DIMT1: variants seen among roughly 807,000 people sequenced by gnomAD.
DIMT1 encodes DIM1 rRNA methyltransferase and ribosome maturation factor.
In DIMT1, 36 loss-of-function variants were observed where a neutral mutation model predicts 43.2. The observed-to-expected ratio is 0.83, with a 90% CI of 0.64 to 1.10. DIMT1 has a LOEUF of 1.10. DIMT1 is among the 50% of genes least tolerant of loss of function. The pLI is 0.00. For synonymous variants in DIMT1, 126 were observed against 130.3 expected (o/e 0.97, Z 0.22); for missense variants, 341 against 385.3 (o/e 0.88, Z 0.96).
At chr5:62,394,660 G>T (rs1282916142) in intron 6 of DIMT1, 53 bp from the exon 7 acceptor site, 5 of 1,604,900 alleles carry the variant, frequency 3.1e-6, no homozygotes, top group Non-Finnish European at 4.3e-6. Context: ...AACTATAAAT[G>T]AATTTTAACT....
chr5:62,389,485 C>CAAAAAAAAAAAAAAAAAAAAAAAAAA (rs775533413), intron 11 of DIMT1, among the ~76,000 whole-genome samples: 2 of 75,918 alleles, frequency 2.6e-5, no homozygotes, highest in African/African-American at 1.1e-4. Context: ...GACTCTGTCT[C>CAAAAAAAAAAAAAAAAAAAAAAAAAA]AAAAAAAAAA....
chr5:62,394,156 G>T, intron 7 of DIMT1, 109 bp from the exon 8 acceptor site: 1 of 1,034,962 alleles, frequency 9.7e-7, no homozygotes, highest in Non-Finnish European at 1.4e-6. Context: ...GATGAATTAA[G>T]CTAGATTATT....
chr5:62,399,069 C>T (rs995568237), intron 3 of DIMT1, among the ~76,000 whole-genome samples, 188 bp from the exon 4 acceptor site: 14 of 152,200 alleles, frequency 9.2e-5, no homozygotes, highest in African/African-American at 2.9e-4. Context: ...CAGTGGCTCA[C>T]GCCTGTAATC....
chr5:62,401,995 C>G (rs1009774462), intron 3 of DIMT1, 41 bp downstream of exon 3: 1 of 1,583,786 alleles, frequency 6.3e-7, no homozygotes. Context: ...AGCTTGCTAA[C>G]ATAGTCATTT....
Position 62,403,905 on chromosome 5 carries a change from G to A in DIMT1, c.-133C>T. Reference sequence around the variant, plus strand: ...TCTGGCCCAAGCGCCGGAGGGGCAAGGGTCCGCCCCCTCCCGTACGCTCTG... The same window carrying A: ...TCTGGCCCAAGCGCCGGAGGGGCAAAGGTCCGCCCCCTCCCGTACGCTCTG... On this transcript the variant is annotated 5_prime_UTR_variant, in exon 1 of 12. Coordinates refer to ENST00000199320, the MANE Select transcript of DIMT1 (RefSeq NM_014473.4). 1.1e-6 allele frequency: 1 copy of A among 908,330 alleles called. No individual in the cohort carries two copies. Among genetic ancestry groups the A allele is most frequent in the Non-Finnish European group, 1.6e-6 (1 of 608,934 alleles). The allele number at this position is 908,330 out of a possible 1,614,324, so 56.3% of individuals were successfully genotyped here.
In DIMT1 at chr5:62,400,101, TCTTA is replaced by T. The variant is rs1462014691; in HGVS notation, c.241-1224_241-1221del. ...AGAGAAGAGCGTACAATGCAATTGC[TCTTA>T]CTGTTAGTATGTCACATCTACTGAG... is the stretch of plus-strand genomic sequence containing the variant. On this transcript the variant is annotated intron_variant, in intron 3 of 11. Coordinates refer to ENST00000199320, the MANE Select transcript of DIMT1 (RefSeq NM_014473.4). 5.9e-5 allele frequency among the ~76,000 whole-genome samples: 9 copies of T among 152,272 alleles called. 1 individual carries two copies. Among genetic ancestry groups the T allele is most frequent in the African/African-American group, 1.9e-4 (8 of 41,550 alleles).
At chr5:62,403,471 C>T in intron 1 of DIMT1, 125 bp from the exon 2 acceptor site, 1 of 1,021,974 alleles carries the variant, frequency 9.8e-7, no homozygotes, top group East Asian at 2.5e-5. Context: ...AAACGTCACG[C>T]CAGGACTGAC....
At chr5:62,394,696 T>C (rs1742418446) in intron 6 of DIMT1, 89 bp from the exon 7 acceptor site, 5 of 1,566,270 alleles carry the variant, frequency 3.2e-6, no homozygotes, top group South Asian at 2.3e-5. Flanking sequence ...GGGAGAGAAA[T>C]AGCAAAGCAT....
At position 62,403,854 on chromosome 5, in the gene DIMT1, T is replaced by C; in HGVS notation, c.-82A>G. 2.8e-6 allele frequency: 4 copies of C among 1,433,678 alleles called. No homozygotes were observed. Among genetic ancestry groups the C allele is most frequent in the South Asian group, 1.2e-5 (1 of 80,692 alleles). 88.8% of individuals were successfully genotyped at this position (1,433,678 alleles called of 1,614,324 possible). A position where few individuals can be genotyped will look rare whatever the true frequency, so the allele number is the denominator to read the frequency against. On this transcript the variant is annotated 5_prime_UTR_variant, in exon 1 of 12. Transcript: ENST00000199320. ...GCGTGAGAAAGCCACCACGTGGGGATCGCCGCCACGCGCCGCCCGCACCAC... is the reference window on the plus strand; with the variant it reads ...GCGTGAGAAAGCCACCACGTGGGGACCGCCGCCACGCGCCGCCCGCACCAC...
intron 1 of DIMT1, 70 bp downstream of exon 1, chr5:62,403,624 C>T (rs26649): frequency 0.33 from 499,846 of 1,519,584 alleles, 84,247 homozygotes; most frequent in East Asian, 0.47. Flanking sequence ...GGTCTTGGTC[C>T]GCACCCCAGG....
chr5:62,399,495 T>C (rs1207283618), intron 3 of DIMT1, among the ~76,000 whole-genome samples: 1 of 81,896 alleles, frequency 1.2e-5, no homozygotes, highest in Non-Finnish European at 2.5e-5. Flanking sequence ...ACACAAAATA[T>C]TAGCTGGGCC....
intron 3 of DIMT1, among the ~76,000 whole-genome samples, chr5:62,401,581 T>C (rs1226954618): frequency 1.1e-5 from 1 of 87,570 alleles, no homozygotes; most frequent in Admixed American, 1.3e-4. Context: ...CATATTTTCC[T>C]TTTTTTTTTT....
intron 3 of DIMT1, among the ~76,000 whole-genome samples, chr5:62,399,715 G>A (rs906263733): frequency 2.7e-5 from 4 of 150,784 alleles, no homozygotes; most frequent in Admixed American, 6.6e-5. Context: ...GACCAGCCTG[G>A]CCAACATGGT....
chr5:62,397,652 CTT>C (rs35041675), intron 6 of DIMT1, among the ~76,000 whole-genome samples: 14 of 147,476 alleles, frequency 9.5e-5, no homozygotes, highest in Non-Finnish European at 1.5e-4. Flanking sequence ...TCCCCATAAA[CTT>C]TTTTTTTTTT....
At chr5:62,401,000 C>T (rs1295559604) in intron 3 of DIMT1, among the ~76,000 whole-genome samples, 1 of 152,112 alleles carries the variant, frequency 6.6e-6, no homozygotes, top group Non-Finnish European at 1.5e-5. Context: ...ATCCACCCGC[C>T]TTAGCCTCCC....
chr5:62,387,693 GAT>G lies in DIMT1; in HGVS notation c.*1315_*1316del, dbSNP rs1742102173. 6.6e-6 allele frequency: 1 copy of G among 152,028 alleles called. No homozygotes were observed. The highest frequency in any genetic ancestry group is 1.5e-5 in the Non-Finnish European group (1 of 68,000). The allele number at this position is 152,028 out of a possible 1,614,324, so 9.4% of individuals were successfully genotyped here. On this transcript the variant is annotated 3_prime_UTR_variant, in exon 12 of 12. Coordinates refer to ENST00000199320, the MANE Select transcript of DIMT1 (RefSeq NM_014473.4). ...TAAATCTTAAAATTTTTACTATAAG[GAT>G]AGAGATGATACAAGTGAACTCTGCA...
At position 62,396,249 on chromosome 5, in the gene DIMT1, G is replaced by A. The variant is rs1048808967; in HGVS notation, c.447-1642C>T. 2.6e-5 allele frequency among the ~76,000 whole-genome samples: 4 copies of A among 151,140 alleles called. No individual in the cohort carries two copies. In the East Asian group the frequency reaches 5.9e-4, roughly 22 times the overall value. ...GGGCTGGGCACCATGGTTCATGCCTGTAATAATCCCAGCATTTGGGGAGGC... is the reference window on the plus strand; with the variant it reads ...GGGCTGGGCACCATGGTTCATGCCTATAATAATCCCAGCATTTGGGGAGGC... On this transcript the variant is annotated intron_variant, in intron 6 of 11. Coordinates refer to ENST00000199320, the MANE Select transcript of DIMT1 (RefSeq NM_014473.4).
At chr5:62,392,826 TCTTTATG>T in intron 9 of DIMT1, 93 bp downstream of exon 9, 1 of 713,164 alleles carries the variant, frequency 1.4e-6, no homozygotes, top group East Asian at 2.8e-5. Flanking sequence ...GGACCCATAA[TCTTTATG>T]CTTTAGGGTA....
intron 6 of DIMT1, among the ~76,000 whole-genome samples, chr5:62,397,087 T>A (rs534119652): frequency 1.3e-5 from 2 of 152,142 alleles, no homozygotes; most frequent in African/African-American, 4.8e-5. Flanking sequence ...GTAGCTGGGA[T>A]TATAGGTGCC....
Sources: gnomAD v4.1 joint callset for allele counts (sites outside exome capture counted in the v4.1 genomes callset) on GRCh38, gnomAD v4.1.1 for gene constraint, MANE v1.5 for transcripts, NCBI Gene and HGNC (gene_info 2026-07-23, HGNC 2026-07-21) for gene names.